Variants in CDK8 observed in about 807,000 individuals in gnomAD.
CDK8 encodes cyclin dependent kinase 8.
In CDK8, 29 loss-of-function variants were observed where a neutral mutation model predicts 71.5. The observed-to-expected ratio is 0.41, with a 90% CI of 0.30 to 0.55. CDK8 has a LOEUF of 0.55. Ranked by LOEUF, CDK8 falls within the 20% of genes least tolerant of loss-of-function variation. The pLI is 0.37. For missense variants in CDK8, 288 were observed against 572.6 expected, an observed-to-expected ratio of 0.50 and a Z score of 5.07; for synonymous variants, 161 against 192.1, an observed-to-expected ratio of 0.84 and a Z score of 1.34.
At chr13:26,396,396 A>G (rs2138067661) in intron 8 of CDK8, 42 bp downstream of exon 8, 1 of 905,500 alleles carries the variant, frequency 1.1e-6, no homozygotes, top group Non-Finnish European at 1.7e-6. Flanking sequence ...TTTTTGCTTT[A>G]CCAGAATACT....
Position 26,279,365 on chromosome 13 carries a change from T to G in CDK8, c.128+24596T>G, listed in dbSNP as rs117751607. Among the ~76,000 whole-genome samples, 171 of 152,208 alleles carry G rather than the reference T, an allele frequency of 1.1e-3. 5 individuals are homozygous for G. The East Asian group carries it at 0.03, about 27-fold the overall frequency. ...AAAAAAGAAAATGTACCTTTGTAAT[T>G]GAGAGTCTGGCAATCATCAGCTTAA... is the stretch of plus-strand genomic sequence containing the variant. On this transcript the variant is annotated intron_variant, in intron 1 of 12. Coordinates refer to ENST00000381527, the MANE Select transcript of CDK8 (RefSeq NM_001260.3).
At chr13:26,291,141 A>G (rs543203449) in intron 1 of CDK8, among the ~76,000 whole-genome samples, 64 of 150,826 alleles carry the variant, frequency 4.2e-4, no homozygotes, top group African/African-American at 1.5e-3. Context: ...AAAATTCTGC[A>G]TGTTTAGGTA....
chr13:26,356,313 TA>T (rs1217906013), intron 4 of CDK8, among the ~76,000 whole-genome samples: 1 of 152,234 alleles, frequency 6.6e-6, no homozygotes, highest in Non-Finnish European at 1.5e-5. Context: ...AAATCACTCT[TA>T]CTCCTCCATC....
At chr13:26,399,852 C>G (rs900363258) in intron 9 of CDK8, among the ~76,000 whole-genome samples, 1 of 152,190 alleles carries the variant, frequency 6.6e-6, no homozygotes, top group Non-Finnish European at 1.5e-5. Flanking sequence ...ATGGAGCAGT[C>G]GACTTTCAGA....
At chr13:26,259,053 ATTACCTTTTTCCCCTTC>A (rs994578358) in intron 1 of CDK8, among the ~76,000 whole-genome samples, 2 of 152,208 alleles carry the variant, frequency 1.3e-5, no homozygotes, top group African/African-American at 4.8e-5. Context: ...GGAGCATCCC[ATTACCTTTTTCCCCTTC>A]TGAATATGGC....
At chr13:26,359,703 G>T in intron 4 of CDK8, 1 of 426,824 alleles carries the variant, frequency 2.3e-6, no homozygotes, top group Non-Finnish European at 4.7e-6. Flanking sequence ...CAGCTATGTG[G>T]CCTCATTTTT....
At chr13:26,346,214 A>G (rs906053101) in intron 2 of CDK8, among the ~76,000 whole-genome samples, 8 of 152,180 alleles carry the variant, frequency 5.3e-5, no homozygotes, top group African/African-American at 1.9e-4. Flanking sequence ...TAAATATTTC[A>G]TGGGGCTAAT....
intron 1 of CDK8, among the ~76,000 whole-genome samples, chr13:26,331,623 A>G (rs2137964043): frequency 6.6e-6 from 1 of 152,290 alleles, no homozygotes. Context: ...AGTTGGCTAT[A>G]AATATGTAGC....
chr13:26,394,731 A>G (rs1230084038), intron 7 of CDK8, among the ~76,000 whole-genome samples: 1 of 152,206 alleles, frequency 6.6e-6, no homozygotes, highest in Non-Finnish European at 1.5e-5. Context: ...GTGGTTTATA[A>G]GGAAGCTTGG....
In CDK8 at chr13:26,396,954, G is replaced by A. The variant is rs373667350; in HGVS notation, c.861-199G>A. 2.2e-3 allele frequency among the ~76,000 whole-genome samples: 336 copies of A among 151,816 alleles called. 2 individuals are homozygous for A. The highest frequency in any genetic ancestry group is 7.8e-3 in the African/African-American group (322 of 41,456). ...TGAAATTGTCTTACATTTAATCATC[G>A]GTATCCTTTCAAAAGTGACCATTGT... On this transcript the variant is annotated intron_variant, in intron 8 of 12. Transcript: ENST00000381527.
chr13:26,323,298 TGAGAGA>T (rs10523917), intron 1 of CDK8, among the ~76,000 whole-genome samples: 86 of 132,072 alleles, frequency 6.5e-4, no homozygotes, highest in Middle Eastern at 3.8e-3. Context: ...TCCTCACATG[TGAGAGA>T]GAGAGAGAGA....
At chr13:26,281,587 TAACA>T in intron 1 of CDK8, among the ~76,000 whole-genome samples, 1 of 152,288 alleles carries the variant, frequency 6.6e-6, no homozygotes, top group African/African-American at 2.4e-5. Flanking sequence ...CAAGGTTCTA[TAACA>T]TCCCCAAAAG....
intron 1 of CDK8, among the ~76,000 whole-genome samples, chr13:26,263,166 C>G (rs755287744): frequency 2.6e-5 from 4 of 151,812 alleles, no homozygotes; most frequent in Non-Finnish European, 5.9e-5. Context: ...GACGGAGTCT[C>G]GCTCTGTTGC....
Position 26,254,491 on chromosome 13 carries a change from C to G in CDK8, c.-151C>G, listed in dbSNP as rs1871424328. 1 of 607,234 alleles carries G rather than the reference C, an allele frequency of 1.6e-6. No individual in the cohort carries two copies. The highest frequency in any genetic ancestry group is 2.8e-6 in the Non-Finnish European group (1 of 362,486). 37.6% of individuals were successfully genotyped at this position (607,234 alleles called of 1,614,324 possible). ...CCCTGGCGCTTTCGCGGGGCCTCCT[C>G]CTGCTCTTGCCGCATCAGTCGGGCT... On this transcript the variant is annotated 5_prime_UTR_variant, in exon 1 of 13. Transcript: ENST00000381527. This position sits in a 1 kb window ranked among gnomAD's most constrained non-coding sequence, Gnocchi z 6.7.
At chr13:26,337,700 A>G (rs2137973750) in intron 2 of CDK8, 58 bp downstream of exon 2, 1 of 685,250 alleles carries the variant, frequency 1.5e-6, no homozygotes, top group East Asian at 3.0e-5. Context: ...TACCAACTAT[A>G]TAAGGCTCTG....
At chr13:26,297,769 T>C (rs1402127069) in intron 1 of CDK8, among the ~76,000 whole-genome samples, 2 of 152,214 alleles carry the variant, frequency 1.3e-5, no homozygotes, top group Non-Finnish European at 2.9e-5. Flanking sequence ...ATATATTGCA[T>C]GTGTCTTACT....
intron 1 of CDK8, among the ~76,000 whole-genome samples, chr13:26,278,450 C>G (rs925489590): frequency 2.2e-4 from 34 of 152,124 alleles, no homozygotes; most frequent in African/African-American, 7.5e-4. Flanking sequence ...CCCTTTCCAT[C>G]TAGTAGTGAG....
intron 1 of CDK8, among the ~76,000 whole-genome samples, chr13:26,255,077 G>A (rs111566625): frequency 0.05 from 7,552 of 152,026 alleles, 489 homozygotes; most frequent in African/African-American, 0.15. Context: ...TAAAACGCCG[G>A]GTTAAATGTT....
chr13:26,402,394 A>G (rs111558970), intron 12 of CDK8, among the ~76,000 whole-genome samples: 304 of 152,220 alleles, frequency 2.0e-3, no homozygotes, highest in African/African-American at 6.9e-3. Context: ...GCTTATTCTA[A>G]CCATATTCCC....
Sources: gnomAD v4.1 joint callset for allele counts (sites outside exome capture counted in the v4.1 genomes callset) on GRCh38, gnomAD v4.1.1 for gene constraint, Gnocchi (gnomAD v3.1) non-coding constraint, MANE v1.5 for transcripts, NCBI Gene and HGNC (gene_info 2026-07-23, HGNC 2026-07-21) for gene names.